Variants in AFDN observed in about 807,000 individuals in gnomAD.
The protein encoded by AFDN is afadin, adherens junction formation factor.
A neutral mutation model predicts 216.6 loss-of-function variants in AFDN; 68 were observed. The observed-to-expected ratio is 0.31, with a 90% CI of 0.26 to 0.38. AFDN has a LOEUF of 0.38. Among genes scored for constraint, AFDN ranks in the 10% least tolerant of loss-of-function variants. The pLI is 1.00. For synonymous variants in AFDN, 868 were observed against 853.7 expected, an observed-to-expected ratio of 1.02 and a Z score of -0.29; for missense variants, 2,136 against 2,342.0, an observed-to-expected ratio of 0.91 and a Z score of 1.82.
At chr6:167,862,381 G>T (rs9331328) in intron 1 of AFDN, among the ~76,000 whole-genome samples, 45,881 of 147,888 alleles carry the variant, frequency 0.31, 7,868 homozygotes, top group East Asian at 0.6. Context: ...TAAAGGTTTG[G>T]TTTTTTTTTT....
At chr6:167,920,117 G>A (rs1791588886) in intron 21 of AFDN, among the ~76,000 whole-genome samples, 1 of 152,190 alleles carries the variant, frequency 6.6e-6, no homozygotes, top group South Asian at 2.1e-4. Flanking sequence ...GCAGAGAGAG[G>A]CCAAGGTGAG....
intron 4 of AFDN, among the ~76,000 whole-genome samples, chr6:167,874,136 C>G (rs1022567453): frequency 6.6e-6 from 1 of 152,140 alleles, no homozygotes; most frequent in Admixed American, 6.5e-5. Context: ...CTCAGCTAGT[C>G]AGGAGGCTAA....
rs575923894 is a variant in AFDN at position 167,830,962 on chromosome 6, G to C, written c.105+3725G>C. ...TTTTTTTTTTTTTTTTTTTTTTTGAGTCAGAGTCTCACTCTCTTGCCCAGG... is the reference window on the plus strand; with the variant it reads ...TTTTTTTTTTTTTTTTTTTTTTTGACTCAGAGTCTCACTCTCTTGCCCAGG... On this transcript the variant is annotated intron_variant, in intron 1 of 33. Transcript: ENST00000683244. 3.5e-3 allele frequency among the ~76,000 whole-genome samples: 131 copies of C among 37,060 alleles called. 2 individuals carry two copies. Among genetic ancestry groups the C allele is most frequent in the African/African-American group, 0.018 (130 of 7,086 alleles). The allele number at this position is 37,060 out of a possible 152,430, so 24.3% of individuals were successfully genotyped here. A position where few individuals can be genotyped will look rare whatever the true frequency, so the allele number is the denominator to read the frequency against.
intron 26 of AFDN, among the ~76,000 whole-genome samples, chr6:167,945,801 C>T (rs1299490221): frequency 1.3e-5 from 2 of 152,124 alleles, no homozygotes; most frequent in African/African-American, 4.8e-5. Context: ...CAAAAAGAAT[C>T]TCAGGATAAA....
rs1795972349 is a variant in AFDN, at chr6:167,951,479, C to T, written c.4125C>T (p.Pro1375=). The T allele has an allele frequency of 6.2e-7, 1 of 1,613,802 alleles. No homozygotes were observed. The highest frequency in any genetic ancestry group is 1.3e-5 in the African/African-American group (1 of 74,902). The change falls in exon 30 of 34, where the codon CCC becomes CCT. Residue 1375 remains proline (P), a synonymous_variant. Coordinates refer to ENST00000683244, the MANE Select transcript of AFDN (RefSeq NM_001386888.1). The surrounding 1 kb of genome is among the most constrained non-coding windows in gnomAD (Gnocchi z 7.1). ...QPIRTDLPPP[P]PPPPVHYAGD... The stretch of plus-strand genomic sequence containing the variant: ...TCCGAACAGACCTGCCTCCGCCACC[C>T]CCGCCACCTCCAGTCCACTATGCCG...
chr6:167,880,654 A>G (rs1785997663), intron 6 of AFDN, 137 bp downstream of exon 6: 3 of 829,668 alleles, frequency 3.6e-6, no homozygotes, highest in Admixed American at 2.9e-5. Flanking sequence ...TGTGCTAAAT[A>G]TATATTTTTA....
At chr6:167,922,813 A>T (rs1203150362) in intron 21 of AFDN, 43 bp from the exon 22 acceptor site, 2 of 1,320,200 alleles carry the variant, frequency 1.5e-6, no homozygotes, top group African/African-American at 2.9e-5. Flanking sequence ...TTATCTTGAC[A>T]AGATGTGCTT....
intron 32 of AFDN, among the ~76,000 whole-genome samples, chr6:167,966,667 G>T (rs1181075336): frequency 6.6e-6 from 1 of 152,148 alleles, no homozygotes; most frequent in East Asian, 1.9e-4. Context: ...AGAGACAAAG[G>T]TTATAATTCT....
chr6:167,919,059 C>G, intron 21 of AFDN, 126 bp downstream of exon 21: 1 of 761,468 alleles, frequency 1.3e-6, no homozygotes, highest in Non-Finnish European at 2.2e-6. Context: ...TGGAGAAGTC[C>G]GTGTTCCACT....
chr6:167,930,554 G>A (rs1420955113), intron 23 of AFDN, among the ~76,000 whole-genome samples: 1 of 152,220 alleles, frequency 6.6e-6, no homozygotes, highest in Admixed American at 6.5e-5. Context: ...GCTCAGCCCA[G>A]TTTGGGCTGT....
rs763806719 is a variant in AFDN, at chr6:167,951,533, G to T, written c.4179G>T (p.Leu1393Phe). 1 of 1,613,862 alleles carries T rather than the reference G, an allele frequency of 6.2e-7. No individual in the cohort carries two copies. Among genetic ancestry groups the T allele is most frequent in the East Asian group, 2.2e-5 (1 of 44,868 alleles). Residue 1393 changes from leucine to phenylalanine, a missense_variant, in exon 30 of 34, where the codon TTG becomes TTT. Leu to Phe is a conservative substitution (Grantham distance 22, BLOSUM62 0). Around this residue, in one of 8 missense-constraint regions of AFDN, gnomAD observed 981 missense variants for 966.0 expected, o/e 1.02. Coordinates refer to ENST00000683244, the MANE Select transcript of AFDN (RefSeq NM_001386888.1). This position sits in a 1 kb window ranked among gnomAD's most constrained non-coding sequence, Gnocchi z 7.1. ...ATTTCGATGGAATGTCCATGGATTT[G>T]CCTCTCCCACCACCCCCTTCCGCCA... Reference protein sequence around the residue: ...AGDFDGMSMDLPLPPPPSANQ... With the variant: ...AGDFDGMSMDFPLPPPPSANQ...
At chr6:167,858,399 A>G (rs1783137965) in intron 1 of AFDN, among the ~76,000 whole-genome samples, 1 of 152,150 alleles carries the variant, frequency 6.6e-6, no homozygotes, top group South Asian at 2.1e-4. Context: ...TGGGTACTGG[A>G]TGGATTTTTG....
intron 2 of AFDN, among the ~76,000 whole-genome samples, chr6:167,867,715 G>T (rs1004185114): frequency 9.2e-5 from 14 of 152,148 alleles, no homozygotes; most frequent in Non-Finnish European, 1.8e-4. Flanking sequence ...ACAGGCGTGA[G>T]CCACCGCGCC....
At chr6:167,965,640 A>T in intron 31 of AFDN, 117 bp from the exon 32 acceptor site, 1 of 931,324 alleles carries the variant, frequency 1.1e-6, no homozygotes, top group Non-Finnish European at 1.6e-6. Flanking sequence ...TAGTAATTGT[A>T]ACTATTAAAC....
chr6:167,864,472 T>A, intron 1 of AFDN, 79 bp from the exon 2 acceptor site: 2 of 1,320,590 alleles, frequency 1.5e-6, no homozygotes, highest in Non-Finnish European at 2.2e-6. Context: ...GTGAACAGAC[T>A]TCCTCATTTA....
rs1562329580 is a variant in AFDN, at chr6:167,951,610, GAGA to G, written c.4261_4263del (p.Glu1421del). On this transcript the variant is annotated inframe_deletion, in exon 30 of 34. Transcript: ENST00000683244. The surrounding 1 kb of genome is among the most constrained non-coding windows in gnomAD (Gnocchi z 7.1). ...GTGGCTGCTGCTGAACGGAGAAAGAGAGAAGAACATCAGCGTTGGTATGAGAAG... is the reference window on the plus strand; with the variant it reads ...GTGGCTGCTGCTGAACGGAGAAAGAGAGAACATCAGCGTTGGTATGAGAAG... 8 of 1,614,108 alleles carry G rather than the reference GAGA, an allele frequency of 5.0e-6. No individual in the cohort carries two copies. The highest frequency in any genetic ancestry group is 1.7e-5 in the Admixed American group (1 of 59,980).
chr6:167,946,557 T>A (rs879358758), intron 26 of AFDN, 150 bp from the exon 27 acceptor site: 29 of 611,412 alleles, frequency 4.7e-5, no homozygotes, highest in Non-Finnish European at 6.8e-5. Flanking sequence ...TCTCAGTATA[T>A]TTACTTAAAA....
rs1790377945 is a variant in AFDN, at chr6:167,911,424, G to A, written c.1972G>A (p.Glu658Lys). ...GTACAGACCTGACATCAGCCCTACA[G>A]AGCGCACACATAAAGTCATTGCAGT... Reference protein sequence around the residue: ...NQYRPDISPTERTHKVIAVVN... With the variant: ...NQYRPDISPTKRTHKVIAVVN... Residue 658 changes from glutamate (E) to lysine (K), a missense_variant, in exon 15 of 34, where the codon GAG becomes AAG. By Grantham distance (56) the Glu-to-Lys change is moderately conservative. Transcript: ENST00000683244. The A allele has an allele frequency of 6.2e-7, 1 of 1,614,084 alleles. No homozygotes were observed. The highest frequency in any genetic ancestry group is 1.3e-5 in the African/African-American group (1 of 75,012).
chr6:167,951,996 C>G lies in AFDN; in HGVS notation c.4642C>G (p.Gln1548Glu), dbSNP rs980348571. 2.5e-6 allele frequency: 4 copies of G among 1,614,072 alleles called. No homozygotes were observed. Among genetic ancestry groups the G allele is most frequent in the African/African-American group, 2.7e-5 (2 of 74,924 alleles). The change falls in exon 30 of 34, where the codon CAG becomes GAG. Residue 1548 changes from glutamine (Q) to glutamate (E), a missense_variant. Around this residue, in one of 8 missense-constraint regions of AFDN, gnomAD observed 981 missense variants for 966.0 expected, o/e 1.02. Transcript: ENST00000683244. The surrounding 1 kb of genome is among the most constrained non-coding windows in gnomAD (Gnocchi z 7.1). ...CGTGGACATGCTGAGCAAGGAGATC[C>G]AGGAGCTCCAGAGCAAACCGGACCG... ...HIVDMLSKEIQELQSKPDRSA... is the reference protein window; with the variant it reads ...HIVDMLSKEIEELQSKPDRSA...
Sources: allele counts gnomAD v4.1 joint callset (sites outside exome capture counted in the v4.1 genomes callset), GRCh38; gene constraint gnomAD v4.1.1; regional missense constraint gnomAD v4.1.1; non-coding constraint Gnocchi (gnomAD v3.1); transcripts MANE v1.5; gene names NCBI Gene and HGNC (gene_info 2026-07-23, HGNC 2026-07-21).